The following OCLN variants were observed in gnomAD, a reference collection of about 807,000 sequenced individuals.
OCLN encodes occludin.
A neutral mutation model predicts 47.9 loss-of-function variants in OCLN; 21 were observed. The observed-to-expected ratio is 0.44, with a 90% confidence interval of 0.31 to 0.63. The LOEUF (loss-of-function observed/expected upper bound fraction) is 0.63, where lower values mean the gene tolerates loss of function less well. Among genes scored for constraint, OCLN ranks in the 30% least tolerant of loss-of-function variants. The pLI is 0.08. For missense variants in OCLN, 360 were observed against 571.0 expected (o/e 0.63, Z 3.77); for synonymous variants, 117 against 198.4 (o/e 0.59, Z 3.45).
intron 4 of OCLN, among the ~76,000 whole-genome samples, chr5:69,516,938 TAGTCCCA>T (rs1768989186): frequency 6.6e-6 from 1 of 152,100 alleles, no homozygotes; most frequent in Non-Finnish European, 1.5e-5. Flanking sequence ...TGTATGCCTG[TAGTCCCA>T]GCTACTCAGG....
In OCLN at chr5:69,511,841, A is replaced by G. The variant is rs367939785; in HGVS notation, c.729+2022A>G. ...GGAGTTCGAGACCAGCCTGGCCAACATGGTGAAACTCCATCTCTACTAAAA... is the reference window on the plus strand; with the variant it reads ...GGAGTTCGAGACCAGCCTGGCCAACGTGGTGAAACTCCATCTCTACTAAAA... On this transcript the variant is annotated intron_variant, in intron 3 of 8. Transcript: ENST00000396442. Among the ~76,000 whole-genome samples, 22 of 152,222 alleles carry G rather than the reference A, an allele frequency of 1.4e-4. No homozygotes were observed. The South Asian group carries it at 4.6e-3, about 32-fold the overall frequency.
intron 4 of OCLN, among the ~76,000 whole-genome samples, chr5:69,532,410 C>G (rs1447068755): frequency 6.6e-6 from 1 of 152,164 alleles, no homozygotes; most frequent in South Asian, 2.1e-4. Flanking sequence ...TGCCATTGAT[C>G]CTATCACAAA....
chr5:69,507,892 C>T (rs1435376648), intron 2 of OCLN, among the ~76,000 whole-genome samples: 1 of 152,240 alleles, frequency 6.6e-6, no homozygotes, highest in African/African-American at 2.4e-5. Context: ...AGGCGTGAGC[C>T]ACCGTGCCTG....
intron 1 of OCLN, among the ~76,000 whole-genome samples, chr5:69,494,550 T>G (rs186281976): frequency 6.6e-6 from 1 of 152,364 alleles, no homozygotes; most frequent in East Asian, 1.9e-4. Context: ...GAGGCAGAGA[T>G]ATTTCCTCAA....
intron 4 of OCLN, among the ~76,000 whole-genome samples, chr5:69,520,911 A>G (rs939465624): frequency 2.6e-5 from 4 of 152,028 alleles, no homozygotes; most frequent in Non-Finnish European, 5.9e-5. Flanking sequence ...GCAATGGCGC[A>G]ATCTCAGCTC....
In OCLN at chr5:69,554,368, C is replaced by A. The variant is rs534412736; in HGVS notation, c.*697C>A. Reference sequence around the variant, plus strand: ...TACTTTTTTAAGATCAAAGTTTAAACCCCGTGGTTAGAATTTTGTGTGTTT... The same window carrying A: ...TACTTTTTTAAGATCAAAGTTTAAAACCCGTGGTTAGAATTTTGTGTGTTT... On this transcript the variant is annotated 3_prime_UTR_variant, in exon 9 of 9. Coordinates refer to ENST00000396442, the MANE Select transcript of OCLN (RefSeq NM_001205254.2). 2 of 151,864 alleles carry A rather than the reference C, an allele frequency of 1.3e-5. No homozygotes were observed. The highest frequency in any genetic ancestry group is 2.9e-5 in the Non-Finnish European group (2 of 68,004). 9.4% of individuals were successfully genotyped at this position (151,864 alleles called of 1,614,324 possible). A position where few individuals can be genotyped will look rare whatever the true frequency, so the allele number is the denominator to read the frequency against.
rs775708164 is a variant in OCLN at position 69,509,333 on chromosome 5, C to T, written c.243C>T (p.Ala81=). The stretch of plus-strand genomic sequence containing the variant: ...TTGTGATGTGCATTGCCATCTTTGC[C>T]TGTGTGGCCTCCACGCTTGCCTGGG... The part of the protein sequence containing the change: ...LIIVMCIAIF[A]CVASTLAWDR... Residue 81 remains alanine, a synonymous_variant, in exon 3 of 9, where the codon GCC becomes GCT. Coordinates refer to ENST00000396442, the MANE Select transcript of OCLN (RefSeq NM_001205254.2). 4.3e-6 allele frequency: 7 copies of T among 1,614,222 alleles called. No individual in the cohort carries two copies. The East Asian group carries it at 1.1e-4, about 26-fold the overall frequency.
intron 3 of OCLN, among the ~76,000 whole-genome samples, chr5:69,512,023 C>CAA (rs758425657): frequency 1.5e-4 from 5 of 33,874 alleles, no homozygotes; most frequent in Non-Finnish European, 2.3e-4. Context: ...AACTCTGTCT[C>CAA]AAAAAAAAAA....
chr5:69,513,916 T>G (rs185849696), intron 3 of OCLN, 32 bp from the exon 4 acceptor site: 52 of 1,582,802 alleles, frequency 3.3e-5, no homozygotes, highest in Non-Finnish European at 8.7e-7. Context: ...AATTAAAATC[T>G]AATTATGCCA....
rs1056147490 is a variant in OCLN, at chr5:69,493,335, G to T, written c.-69+435G>T. ...GGGGTCCTAAGCCTGAGGCTGCAGCGAGGCGGCTGTTCGGCGGCCCGGGCG... is the reference window on the plus strand; with the variant it reads ...GGGGTCCTAAGCCTGAGGCTGCAGCTAGGCGGCTGTTCGGCGGCCCGGGCG... On this transcript the variant is annotated intron_variant, in intron 1 of 8. Transcript: ENST00000396442. This position sits in a 1 kb window ranked among gnomAD's most constrained non-coding sequence, Gnocchi z 5.3. Among the ~76,000 whole-genome samples the T allele has an allele frequency of 6.6e-6, 1 of 152,062 alleles. No homozygotes were observed. The highest frequency in any genetic ancestry group is 1.5e-5 in the Non-Finnish European group (1 of 68,014).
Position 69,553,867 on chromosome 5 carries a change from T to G in OCLN, c.*196T>G. 1.7e-6 allele frequency: 1 copy of G among 590,516 alleles called. No individual in the cohort carries two copies. The highest frequency in any genetic ancestry group is 3.1e-6 in the Non-Finnish European group (1 of 324,022). The allele number at this position is 590,516 out of a possible 1,614,324, so 36.6% of individuals were successfully genotyped here. The stretch of plus-strand genomic sequence containing the variant: ...TAATCAACTGGGCTGAACACTCCAA[T>G]TAAGGATTTTATGCTTTAAACATTG... On this transcript the variant is annotated 3_prime_UTR_variant, in exon 9 of 9. Coordinates refer to ENST00000396442, the MANE Select transcript of OCLN (RefSeq NM_001205254.2).
intron 1 of OCLN, among the ~76,000 whole-genome samples, chr5:69,498,398 G>A (rs570680228): frequency 3.4e-4 from 52 of 152,074 alleles, no homozygotes; most frequent in Non-Finnish European, 6.3e-4. Flanking sequence ...GGAGGCTGAG[G>A]TGGGAGAATT....
chr5:69,500,807 C>A (rs1052636260), intron 1 of OCLN, among the ~76,000 whole-genome samples: 1 of 152,136 alleles, frequency 6.6e-6, no homozygotes, highest in African/African-American at 2.4e-5. Context: ...AAGACTGAGT[C>A]TGGATTAATT....
At chr5:69,529,893 C>T (rs567706489) in intron 4 of OCLN, among the ~76,000 whole-genome samples, 3 of 152,266 alleles carry the variant, frequency 2.0e-5, no homozygotes, top group African/African-American at 4.8e-5. Flanking sequence ...CATGAGCTAC[C>T]GCACCTGGCC....
At chr5:69,529,751 C>T (rs1315354397) in intron 4 of OCLN, among the ~76,000 whole-genome samples, 2 of 151,984 alleles carry the variant, frequency 1.3e-5, no homozygotes, top group African/African-American at 2.4e-5. Context: ...TACGGGCGTG[C>T]GTCACCATGC....
intron 4 of OCLN, among the ~76,000 whole-genome samples, chr5:69,519,316 G>A (rs1257263997): frequency 1.3e-5 from 2 of 152,158 alleles, no homozygotes; most frequent in African/African-American, 2.4e-5. Context: ...CCACCTCTCA[G>A]AGCAGAGGGT....
In OCLN at chr5:69,534,746, A is replaced by G; in HGVS notation, c.944A>G (p.Tyr315Cys). 4 of 1,121,392 alleles carry G rather than the reference A, an allele frequency of 3.6e-6. No homozygotes were observed. The highest frequency in any genetic ancestry group is 5.2e-6 in the Non-Finnish European group (4 of 771,596). The allele number at this position is 1,121,392 out of a possible 1,614,324, so 69.5% of individuals were successfully genotyped here. The change falls in exon 5 of 9, where the codon TAT becomes TGT. Residue 315 changes from tyrosine (Y) to cysteine (C), a missense_variant. Physicochemically the swap from Tyr to Cys is radical, Grantham distance 194. Transcript: ENST00000396442. ...TQDVPSPPSDYVERVDSPMAY... is the reference protein window; with the variant it reads ...TQDVPSPPSDCVERVDSPMAY... The stretch of plus-strand genomic sequence containing the variant: ...GACGTGCCTTCACCCCCATCTGACT[A>G]TGTGGAAAGAGTTGACAGTCCCATG...
chr5:69,549,499 T>C (rs1327788350), intron 7 of OCLN, among the ~76,000 whole-genome samples: 4 of 146,942 alleles, frequency 2.7e-5, no homozygotes, highest in Non-Finnish European at 1.5e-5. Context: ...CACCTTTCTT[T>C]AAGGAAACAT....
At chr5:69,520,041 C>T (rs111707362) in intron 4 of OCLN, among the ~76,000 whole-genome samples, 13 of 152,298 alleles carry the variant, frequency 8.5e-5, no homozygotes, top group African/African-American at 3.1e-4. Flanking sequence ...TCATTGCAGC[C>T]TCCCGCTTCC....
Sources: allele counts gnomAD v4.1 joint callset (sites outside exome capture counted in the v4.1 genomes callset), GRCh38; gene constraint gnomAD v4.1.1; non-coding constraint Gnocchi (gnomAD v3.1); transcripts MANE v1.5; gene names NCBI Gene and HGNC (gene_info 2026-07-23, HGNC 2026-07-21).